The following SPOCK3 variants were observed in gnomAD, a reference collection of about 807,000 sequenced individuals.
SPOCK3 encodes the protein SPARC (osteonectin), cwcv and kazal like domains proteoglycan 3, also known as testican-3.
A neutral mutation model predicts 56.6 loss-of-function variants in SPOCK3; 30 were observed. The observed-to-expected ratio is 0.53, with a 90% CI of 0.40 to 0.72. SPOCK3 has a LOEUF of 0.72. Among genes scored for constraint, SPOCK3 ranks in the 30% least tolerant of loss-of-function variants. The pLI is 0.00. For missense variants in SPOCK3, 527 were observed against 530.0 expected (o/e 0.99, Z 0.06); for synonymous variants, 196 against 183.3 (o/e 1.07, Z -0.56).
intron 3 of SPOCK3, among the ~76,000 whole-genome samples, chr4:167,059,551 T>G (rs747681901): frequency 0.026 from 3,847 of 150,654 alleles, 54 homozygotes; most frequent in Middle Eastern, 0.062. Context: ...TACACTGTTG[T>G]TGGGACTGTA....
At chr4:167,114,329 G>A (rs968059126) in intron 2 of SPOCK3, among the ~76,000 whole-genome samples, 3 of 152,126 alleles carry the variant, frequency 2.0e-5, no homozygotes, top group Non-Finnish European at 2.9e-5. Flanking sequence ...CTTTTTCTAA[G>A]TTGAGAAAAA....
At chr4:167,205,349 ATAAT>A (rs1270258947) in intron 2 of SPOCK3, among the ~76,000 whole-genome samples, 3 of 39,240 alleles carry the variant, frequency 7.6e-5, no homozygotes, top group African/African-American at 1.4e-4. Context: ...TATTATATAT[ATAAT>A]ATATATATTA....
chr4:166,739,537 G>A (rs1405871875), intron 9 of SPOCK3, among the ~76,000 whole-genome samples: 3 of 152,026 alleles, frequency 2.0e-5, no homozygotes, highest in East Asian at 3.9e-4. Flanking sequence ...CGTCATCCCC[G>A]ACTAGAGACT....
rs34623275 is a variant in SPOCK3, at chr4:166,869,606, CTGTGTGTGTG to C, written c.589+19514_589+19523del. ...TTATGTAATTATAACCAATAGAATT[CTGTGTGTGTG>C]TGTGTGTGTGTGTGTGTGTGTGTGT... On this transcript the variant is annotated intron_variant, in intron 6 of 10. Transcript: ENST00000357545. Among the ~76,000 whole-genome samples, 797 of 141,924 alleles carry C rather than the reference CTGTGTGTGTG, an allele frequency of 5.6e-3. 5 individuals carry two copies. Among genetic ancestry groups the C allele is most frequent in the Non-Finnish European group, 4.4e-3 (284 of 64,880 alleles). 93.1% of individuals were successfully genotyped at this position (141,924 alleles called of 152,430 possible). A position where few individuals can be genotyped will look rare whatever the true frequency, so the allele number is the denominator to read the frequency against.
chr4:166,917,535 G>T (rs1372742830), intron 4 of SPOCK3, among the ~76,000 whole-genome samples: 1 of 152,044 alleles, frequency 6.6e-6, no homozygotes, highest in African/African-American at 2.4e-5. Flanking sequence ...GACTTTCAGA[G>T]AATTATTTTT....
intron 2 of SPOCK3, among the ~76,000 whole-genome samples, chr4:167,133,306 G>A (rs944297482): frequency 6.6e-6 from 1 of 152,148 alleles, no homozygotes; most frequent in Non-Finnish European, 1.5e-5. Context: ...GATGCCAGCA[G>A]CACCTAGAAA....
chr4:167,068,823 T>C (rs917599973), intron 2 of SPOCK3, among the ~76,000 whole-genome samples: 2 of 151,948 alleles, frequency 1.3e-5, no homozygotes, highest in East Asian at 3.9e-4. Context: ...GAAAGCCAGA[T>C]GCATTCAGAA....
At chr4:166,882,921 T>A (rs1436636809) in intron 6 of SPOCK3, 1 of 152,134 alleles carries the variant, frequency 6.6e-6, no homozygotes, top group Non-Finnish European at 1.5e-5. Flanking sequence ...GCCAATAAAC[T>A]GACTTAATTT....
At chr4:166,867,501 T>A (rs1311675096) in intron 6 of SPOCK3, among the ~76,000 whole-genome samples, 1 of 151,766 alleles carries the variant, frequency 6.6e-6, no homozygotes, top group East Asian at 1.9e-4. Context: ...AGTAATCACA[T>A]GTTGAGATGA....
intron 2 of SPOCK3, among the ~76,000 whole-genome samples, chr4:167,148,349 C>A (rs186443968): frequency 1.3e-5 from 2 of 152,078 alleles, no homozygotes; most frequent in Admixed American, 1.3e-4. Flanking sequence ...ACTGAAAAAC[C>A]CTTCTATAAA....
At chr4:167,009,075 C>G (rs981191928) in intron 3 of SPOCK3, among the ~76,000 whole-genome samples, 2 of 152,054 alleles carry the variant, frequency 1.3e-5, no homozygotes, top group African/African-American at 4.8e-5. Flanking sequence ...AACTAATATG[C>G]TTCATATCAT....
At chr4:167,207,592 T>C (rs894237496) in intron 2 of SPOCK3, among the ~76,000 whole-genome samples, 1 of 152,170 alleles carries the variant, frequency 6.6e-6, no homozygotes, top group African/African-American at 2.4e-5. Context: ...AAACCCACCA[T>C]CTGTAGCCCT....
chr4:166,810,452 CTA>C (rs1743653203), intron 6 of SPOCK3, among the ~76,000 whole-genome samples: 1 of 151,826 alleles, frequency 6.6e-6, no homozygotes, highest in African/African-American at 2.4e-5. Context: ...GAAATATTTG[CTA>C]TATGTTTTTA....
chr4:166,976,154 G>GA (rs35396217), intron 4 of SPOCK3, among the ~76,000 whole-genome samples: 39,738 of 151,714 alleles, frequency 0.26, 5,405 homozygotes, highest in African/African-American at 0.33. Context: ...AACTAACCAA[G>GA]AAAAATGTCT....
intron 2 of SPOCK3, among the ~76,000 whole-genome samples, chr4:167,171,699 A>T (rs755316230): frequency 4.7e-4 from 72 of 152,106 alleles, no homozygotes; most frequent in Non-Finnish European, 6.5e-4. Flanking sequence ...TTGAAAGTTA[A>T]TGATACTATA....
At chr4:167,116,488 T>C (rs558669078) in intron 2 of SPOCK3, among the ~76,000 whole-genome samples, 647 of 6,044 alleles carry the variant, frequency 0.11, 10 homozygotes, top group African/African-American at 0.24. Flanking sequence ...ATATATACTT[T>C]TGTGTATATA....
At chr4:167,205,427 T>A (rs1252128377) in intron 2 of SPOCK3, among the ~76,000 whole-genome samples, 1 of 49,864 alleles carries the variant, frequency 2.0e-5, no homozygotes, top group Non-Finnish European at 3.4e-5. Context: ...ATATATAATA[T>A]ATAATATATA....
At chr4:166,754,753 A>T in intron 7 of SPOCK3, 24 bp from the exon 8 acceptor site, 3 of 1,611,592 alleles carry the variant, frequency 1.9e-6, no homozygotes, top group Non-Finnish European at 2.5e-6. Flanking sequence ...AAAGAAAATG[A>T]TTAGTTAAAT....
intron 4 of SPOCK3, among the ~76,000 whole-genome samples, chr4:166,988,834 A>C (rs981074921): frequency 3.3e-5 from 5 of 152,078 alleles, no homozygotes; most frequent in Non-Finnish European, 7.4e-5. Context: ...AATACCTACA[A>C]ATTTCTTAGT....
Sources: gnomAD v4.1 joint callset for allele counts (sites outside exome capture counted in the v4.1 genomes callset) on GRCh38, gnomAD v4.1.1 for gene constraint, MANE v1.5 for transcripts, NCBI Gene and HGNC (gene_info 2026-07-23, HGNC 2026-07-21) for gene names.